Variants in LYPLA1 observed in about 807,000 individuals in gnomAD.
LYPLA1 encodes acyl-protein thioesterase 1.
Under a neutral mutation model 34.0 loss-of-function variants are expected in LYPLA1, and 17 were observed. That is an observed-to-expected ratio of 0.50 (90% CI 0.34 to 0.75). The LOEUF is 0.75. Among genes scored for constraint, LYPLA1 ranks in the 30% least tolerant of loss-of-function variants. LYPLA1 has a pLI of 0.01. For missense variants in LYPLA1, 203 were observed against 288.8 expected (o/e 0.70, Z 2.15); for synonymous variants, 98 against 100.8 (o/e 0.97, Z 0.17).
At chr8:54,096,144 ATTCT>A (rs1809665124) in intron 2 of LYPLA1, among the ~76,000 whole-genome samples, 1 of 152,250 alleles carries the variant, frequency 6.6e-6, no homozygotes, top group African/African-American at 2.4e-5. Flanking sequence ...CCTGCAACTT[ATTCT>A]TTAATAGTTC....
At chr8:54,084,134 AT>A (rs200527584) in intron 2 of LYPLA1, among the ~76,000 whole-genome samples, 1,325 of 126,786 alleles carry the variant, frequency 0.01, 76 homozygotes, top group East Asian at 0.031. Flanking sequence ...GAAAAAAAAA[AT>A]AAATAAATAT....
Position 54,064,550 on chromosome 8 carries a change from A to C in LYPLA1, c.168-1175T>G, listed in dbSNP as rs368977839. Among the ~76,000 whole-genome samples the C allele has an allele frequency of 1.3e-4, 20 of 152,346 alleles. 1 individual carries two copies. The East Asian group carries it at 3.1e-3, about 23-fold the overall frequency. On this transcript the variant is annotated intron_variant, in intron 3 of 8. Coordinates refer to ENST00000316963, the MANE Select transcript of LYPLA1 (RefSeq NM_006330.4). ...ACTGTATTTCAGGATAAAAAGAGGA[A>C]GAAATGTTTTCTTATCCAATCTTCT... is the stretch of plus-strand genomic sequence containing the variant.
chr8:54,064,756 T>C (rs1444759456), intron 3 of LYPLA1, among the ~76,000 whole-genome samples: 1 of 152,188 alleles, frequency 6.6e-6, no homozygotes, highest in Non-Finnish European at 1.5e-5. Flanking sequence ...TGTCCAATCA[T>C]TTGGTTTCCC....
chr8:54,073,256 T>C (rs1282785754), intron 2 of LYPLA1: 9 of 873,802 alleles, frequency 1.0e-5, no homozygotes, highest in East Asian at 4.9e-5. Context: ...ACCTGCTGTC[T>C]GAATGGGGGA....
chr8:54,099,019 C>T (rs1047349186), intron 2 of LYPLA1, among the ~76,000 whole-genome samples: 2 of 152,050 alleles, frequency 1.3e-5, no homozygotes, highest in African/African-American at 4.8e-5. Flanking sequence ...TTAATATAAA[C>T]TTAACTTTTG....
intron 2 of LYPLA1, among the ~76,000 whole-genome samples, chr8:54,084,287 A>G (rs1808544817): frequency 6.7e-6 from 1 of 148,744 alleles, no homozygotes; most frequent in Non-Finnish European, 1.5e-5. Context: ...TAAATGCAAC[A>G]GAGGCCGGCG....
At chr8:54,081,428 T>G (rs1454828491) in intron 2 of LYPLA1, among the ~76,000 whole-genome samples, 1 of 149,198 alleles carries the variant, frequency 6.7e-6, no homozygotes, top group East Asian at 1.9e-4. Context: ...ACAGAAGACA[T>G]GTTGAAGAAA....
In LYPLA1 at chr8:54,052,685, G is replaced by A; in HGVS notation, c.432C>T (p.Cys144=). The change falls in exon 7 of 9, where the codon TGC becomes TGT. Residue 144 remains cysteine, a synonymous_variant. Transcript: ENST00000316963. ...QKLAGVTALS[C]WLPLRASFPQ... ...GAAAGGAAGCCCGAAGTGGAAGCCA[G>A]CAACTGAGTGCAGTGACACCTGCCA... 6.2e-6 allele frequency: 10 copies of A among 1,613,834 alleles called. No homozygotes were observed. Among genetic ancestry groups the A allele is most frequent in the Non-Finnish European group, 8.5e-6 (10 of 1,179,862 alleles).
Position 54,096,965 on chromosome 8 carries a change from C to T in LYPLA1, c.101+3943G>A, listed in dbSNP as rs187254579. On this transcript the variant is annotated intron_variant, in intron 2 of 8. Transcript: ENST00000316963. ...GAAAATAAATCTGAGTCCATACTAA[C>T]TAAATGGGGAGTAGCAGATTAATAA... is the stretch of plus-strand genomic sequence containing the variant. Among the ~76,000 whole-genome samples the T allele has an allele frequency of 4.6e-3, 705 of 151,716 alleles. 10 individuals carry two copies. The highest frequency in any genetic ancestry group is 8.8e-3 in the South Asian group (42 of 4,796).
chr8:54,072,851 G>T (rs983848293), intron 2 of LYPLA1, among the ~76,000 whole-genome samples: 1 of 150,872 alleles, frequency 6.6e-6, no homozygotes, highest in Non-Finnish European at 1.5e-5. Flanking sequence ...GTGGTGGTGC[G>T]TGCCTGTAGT....
At chr8:54,094,520 G>A (rs981391827) in intron 2 of LYPLA1, among the ~76,000 whole-genome samples, 3 of 152,180 alleles carry the variant, frequency 2.0e-5, no homozygotes, top group African/African-American at 7.2e-5. Context: ...GCTGCAATTG[G>A]AGGAATCATT....
At chr8:54,059,898 C>T (rs929767038) in intron 5 of LYPLA1, among the ~76,000 whole-genome samples, 3 of 152,056 alleles carry the variant, frequency 2.0e-5, no homozygotes, top group African/African-American at 4.8e-5. Flanking sequence ...CTAACCTGGG[C>T]GACAGTCTCT....
At chr8:54,091,787 T>C (rs1044738712) in intron 2 of LYPLA1, among the ~76,000 whole-genome samples, 1 of 151,798 alleles carries the variant, frequency 6.6e-6, no homozygotes, top group Admixed American at 6.6e-5. Context: ...CAATGAGAAC[T>C]TGTTAGAAAT....
chr8:54,079,962 T>C (rs1308307959), intron 2 of LYPLA1, among the ~76,000 whole-genome samples: 1 of 152,232 alleles, frequency 6.6e-6, no homozygotes, highest in African/African-American at 2.4e-5. Context: ...ATATCGTTAC[T>C]ATATTTTCTA....
chr8:54,093,727 A>AT (rs1809479049), intron 2 of LYPLA1, among the ~76,000 whole-genome samples: 1 of 152,180 alleles, frequency 6.6e-6, no homozygotes, highest in Non-Finnish European at 1.5e-5. Flanking sequence ...ACTTAGTGCT[A>AT]TTACATGTCC....
At chr8:54,090,008 G>A (rs909038761) in intron 2 of LYPLA1, among the ~76,000 whole-genome samples, 5 of 152,350 alleles carry the variant, frequency 3.3e-5, no homozygotes, top group South Asian at 2.1e-4. Flanking sequence ...AGCCAACAGC[G>A]TGTGATGTGC....
chr8:54,092,250 GAGAAGGAGA>G (rs1220978796), intron 2 of LYPLA1, among the ~76,000 whole-genome samples: 2 of 150,286 alleles, frequency 1.3e-5, no homozygotes, highest in Non-Finnish European at 3.0e-5. Flanking sequence ...AAAGAAGGAA[GAGAAGGAGA>G]AGGAGGAGAA....
chr8:54,061,381 G>A (rs957355006), intron 5 of LYPLA1, among the ~76,000 whole-genome samples: 7 of 151,934 alleles, frequency 4.6e-5, no homozygotes, highest in East Asian at 1.9e-4. Flanking sequence ...ACGCCCGGCC[G>A]GCCAAAACTA....
intron 2 of LYPLA1, among the ~76,000 whole-genome samples, chr8:54,068,438 A>G (rs568036896): frequency 1.6e-4 from 25 of 152,338 alleles, no homozygotes; most frequent in African/African-American, 5.8e-4. Flanking sequence ...GAACAAAATT[A>G]GAGGACTCAC....
Sources: gnomAD v4.1 joint callset for allele counts (sites outside exome capture counted in the v4.1 genomes callset) on GRCh38, gnomAD v4.1.1 for gene constraint, MANE v1.5 for transcripts, NCBI Gene and HGNC (gene_info 2026-07-23, HGNC 2026-07-21) for gene names.